CARS2: variants seen among roughly 807,000 people sequenced by gnomAD.
CARS2 encodes probable cysteine--tRNA ligase, mitochondrial.
CARS2 carries 52 observed loss-of-function variants against 68.8 expected under a neutral mutation model. That is an observed-to-expected ratio of 0.76 (90% CI 0.61 to 0.95). The LOEUF (loss-of-function observed/expected upper bound fraction) is 0.95, where lower values mean the gene tolerates loss of function less well. CARS2 is among the 40% of genes least tolerant of loss of function. The pLI is 0.00. For missense variants in CARS2, 780 were observed against 754.2 expected (o/e 1.03, Z -0.40); for synonymous variants, 314 against 303.6 (o/e 1.03, Z -0.36).
chr13:110,642,573 G>C lies in CARS2; in HGVS notation c.1417-52C>G, dbSNP rs773915666. ...CCCCCGGAGACTGTGGATTGTGGAT[G>C]CCCCCTCCCCACCCCGTGGTTGGGC... On this transcript the variant is annotated intron_variant, in intron 13 of 14. Transcript: ENST00000257347. 61 of 1,524,100 alleles carry C rather than the reference G, an allele frequency of 4.0e-5. 1 individual carries two copies. Among genetic ancestry groups the C allele is most frequent in the East Asian group, 9.0e-5 (4 of 44,320 alleles). The allele number at this position is 1,524,100 out of a possible 1,614,324, so 94.4% of individuals were successfully genotyped here.
At chr13:110,645,370 G>C (rs577580847) in intron 12 of CARS2, 1 of 152,380 alleles carries the variant, frequency 6.6e-6, no homozygotes, top group Non-Finnish European at 1.5e-5. Context: ...TTCCAGAGGT[G>C]GGAGAGGCAC....
intron 6 of CARS2, among the ~76,000 whole-genome samples, chr13:110,682,253 C>G (rs1401516644): frequency 6.6e-6 from 1 of 152,216 alleles, no homozygotes; most frequent in East Asian, 1.9e-4. Context: ...CCAGAATGTA[C>G]AACTCTCAGA....
chr13:110,653,078 C>CTG lies in CARS2; in HGVS notation c.988-1979_988-1978insCA, dbSNP rs2062262729. On this transcript the variant is annotated intron_variant, in intron 9 of 14. Transcript: ENST00000257347. The surrounding 1 kb of genome is among the most constrained non-coding windows in gnomAD (Gnocchi z 5.6). Reference sequence around the variant, plus strand: ...AGCCCCCGCTCCTCTACTTCAGTATCATCAACGGCCTTTGGGATCCTATGT... The same window carrying CTG: ...AGCCCCCGCTCCTCTACTTCAGTATCTGATCAACGGCCTTTGGGATCCTATGT... Among the ~76,000 whole-genome samples the CTG allele has an allele frequency of 6.6e-6, 1 of 151,890 alleles. No individual in the cohort carries two copies. The highest frequency in any genetic ancestry group is 1.5e-5 in the Non-Finnish European group (1 of 68,010).
At chr13:110,650,354 T>G (rs530318098) in intron 10 of CARS2, 1 of 152,384 alleles carries the variant, frequency 6.6e-6, no homozygotes, top group South Asian at 2.1e-4. Flanking sequence ...TGCCTCAGCC[T>G]CCCAAAGTGT....
rs762700157 is a variant in CARS2, at chr13:110,646,077, T to C, written c.1207A>G (p.Lys403Glu). The change falls in exon 12 of 15, where the codon AAG (lysine) becomes GAG (glutamate). Residue 403 changes from lysine to glutamate, a missense_variant. Physicochemically the swap from Lys to Glu is moderately conservative, Grantham distance 56. Transcript: ENST00000257347. The stretch of plus-strand genomic sequence containing the variant: ...GCCAAGGCCGCCTTCACGGCCCTCT[T>C]GGTGCTGGAGAGCCTGAGGGAAGAG... ...AMLWERLSST[K>E]RAVKAALADD... The C allele has an allele frequency of 9.3e-6, 15 of 1,613,496 alleles. No homozygotes were observed. The highest frequency in any genetic ancestry group is 1.3e-5 in the Non-Finnish European group (15 of 1,179,906).
intron 9 of CARS2, among the ~76,000 whole-genome samples, chr13:110,651,360 G>A (rs1261021059): frequency 1.3e-5 from 2 of 152,222 alleles, no homozygotes; most frequent in South Asian, 2.1e-4. Flanking sequence ...CCGCACCTGC[G>A]CAGGCTCCAG....
chr13:110,700,462 C>T (rs1394787103), intron 3 of CARS2, among the ~76,000 whole-genome samples: 3 of 152,162 alleles, frequency 2.0e-5, no homozygotes, highest in Admixed American at 2.0e-4. Context: ...GGGGAGGCGG[C>T]CTGGTGGGAA....
intron 9 of CARS2, among the ~76,000 whole-genome samples, chr13:110,657,584 C>T (rs2062403148): frequency 6.6e-6 from 1 of 152,200 alleles, no homozygotes; most frequent in Non-Finnish European, 1.5e-5. Context: ...AAATCACTGA[C>T]TCTGTCTACT....
At chr13:110,709,026 C>T (rs767154042), upstream of CARS2, among the ~76,000 whole-genome samples, 2 of 151,396 alleles carry the variant, frequency 1.3e-5, no homozygotes, top group African/African-American at 4.8e-5. Context: ...CCTCCCAAAG[C>T]GGTGGGAATA....
At chr13:110,699,144 A>T (rs1200399523) in intron 3 of CARS2, among the ~76,000 whole-genome samples, 1 of 152,200 alleles carries the variant, frequency 6.6e-6, no homozygotes, top group Non-Finnish European at 1.5e-5. Flanking sequence ...AGATGCTGGC[A>T]CCTTGATCTT....
At chr13:110,663,213 G>C (rs1391694364) in intron 9 of CARS2, among the ~76,000 whole-genome samples, 1 of 152,142 alleles carries the variant, frequency 6.6e-6, no homozygotes, top group South Asian at 2.1e-4. Context: ...CACGGAAAGA[G>C]AAAGGGAAGC....
At chr13:110,669,940 G>A (rs568022487) in intron 7 of CARS2, among the ~76,000 whole-genome samples, 16 of 152,332 alleles carry the variant, frequency 1.1e-4, no homozygotes, top group South Asian at 2.1e-4. Flanking sequence ...AGGGTCCCAC[G>A]CCCACGGAGC....
At chr13:110,700,765 G>A (rs2063761132) in intron 3 of CARS2, among the ~76,000 whole-genome samples, 1 of 152,218 alleles carries the variant, frequency 6.6e-6, no homozygotes, top group African/African-American at 2.4e-5. Context: ...ATATGAATAC[G>A]TCCAATCAGT....
chr13:110,644,313 T>G, intron 13 of CARS2, 72 bp downstream of exon 13: 1 of 1,468,434 alleles, frequency 6.8e-7, no homozygotes, highest in Non-Finnish European at 9.5e-7. Flanking sequence ...TATTCCAAGT[T>G]AAAAGGGTAA....
chr13:110,710,947 A>T (rs2391866), upstream of CARS2, among the ~76,000 whole-genome samples: 95,264 of 151,106 alleles, frequency 0.63, 31,763 homozygotes, highest in East Asian at 0.77. Flanking sequence ...TTTTTTTTTT[A>T]AAAAGAAAAC....
chr13:110,649,152 C>G (rs770536783), intron 10 of CARS2: 3 of 152,276 alleles, frequency 2.0e-5, no homozygotes, highest in Non-Finnish European at 4.4e-5. Context: ...TAAGTGCACA[C>G]CACACACAGA....
chr13:110,663,822 T>C, intron 8 of CARS2: 2 of 1,155,416 alleles, frequency 1.7e-6, no homozygotes, highest in Non-Finnish European at 2.1e-6. Flanking sequence ...CAGTATTTCA[T>C]CTATTTTCTC....
At chr13:110,678,758 G>A (rs186484417) in intron 6 of CARS2, among the ~76,000 whole-genome samples, 4 of 152,158 alleles carry the variant, frequency 2.6e-5, no homozygotes, top group Non-Finnish European at 4.4e-5. Flanking sequence ...TACTGTTCCC[G>A]AGAAAGGGCT....
At chr13:110,712,305 A>G (rs1364896509) in intron 1 of CARS2, 1 of 154,182 alleles carries the variant, frequency 6.5e-6, no homozygotes, top group South Asian at 1.8e-4. Context: ...GACTTGCTGA[A>G]AAAAAGACAA....
Sources: allele counts gnomAD v4.1 joint callset (sites outside exome capture counted in the v4.1 genomes callset), GRCh38; gene constraint gnomAD v4.1.1; non-coding constraint Gnocchi (gnomAD v3.1); transcripts MANE v1.5; gene names NCBI Gene and HGNC (gene_info 2026-07-23, HGNC 2026-07-21).